Variants in SIRPA observed in about 807,000 individuals in gnomAD.
SIRPA encodes the protein tyrosine-protein phosphatase non-receptor type substrate 1.
SIRPA carries 9 observed loss-of-function variants against 50.3 expected under a neutral mutation model. That is an observed-to-expected ratio of 0.18 (90% CI 0.11 to 0.31). SIRPA has a LOEUF of 0.31. Among genes scored for constraint, SIRPA ranks in the 10% least tolerant of loss-of-function variants. SIRPA has a pLI of 1.00. For synonymous variants in SIRPA, 265 were observed against 284.1 expected (o/e 0.93, Z 0.68); for missense variants, 474 against 661.6 (o/e 0.72, Z 3.11).
rs1985862210 is a variant in SIRPA at position 1,924,553 on chromosome 20, C to T, written c.1088-211C>T. ...GCTACAAATATATTCCCCCCTGGCA[C>T]CTCAGCATGGTTTTTGTGCTGTTCA... On this transcript the variant is annotated intron_variant, in intron 4 of 7. Coordinates refer to ENST00000358771, the MANE Select transcript of SIRPA (RefSeq NM_001040023.2). The surrounding 1 kb of genome is among the most constrained non-coding windows in gnomAD (Gnocchi z 4.5). Among the ~76,000 whole-genome samples the T allele has an allele frequency of 6.6e-6, 1 of 152,216 alleles. No homozygotes were observed. The highest frequency in any genetic ancestry group is 6.5e-5 in the Admixed American group (1 of 15,278).
intron 2 of SIRPA, among the ~76,000 whole-genome samples, chr20:1,917,446 C>T (rs998729691): frequency 1.4e-4 from 22 of 152,254 alleles, no homozygotes; most frequent in African/African-American, 5.1e-4. Flanking sequence ...TAGGCTGAGG[C>T]AGGAGAATGC....
intron 1 of SIRPA, among the ~76,000 whole-genome samples, chr20:1,897,652 G>A (rs1983910833): frequency 6.6e-6 from 1 of 152,142 alleles, no homozygotes; most frequent in African/African-American, 2.4e-5. Flanking sequence ...AGGCGGCTTT[G>A]GATTGAATGA....
At chr20:1,930,438 C>T (rs1249227764) in intron 6 of SIRPA, among the ~76,000 whole-genome samples, 1 of 152,198 alleles carries the variant, frequency 6.6e-6, no homozygotes, top group Non-Finnish European at 1.5e-5. Context: ...AACAAGTGAA[C>T]AAACGAATGA....
Position 1,901,301 on chromosome 20 carries a change from G to GCTAGGACT in SIRPA, c.79+5776_79+5783dup, listed in dbSNP as rs1409864103. 2.0e-5 allele frequency among the ~76,000 whole-genome samples: 3 copies of GCTAGGACT among 150,662 alleles called. No individual in the cohort carries two copies. The Admixed American group carries it at 2.0e-4, about 10-fold the overall frequency. On this transcript the variant is annotated intron_variant, in intron 1 of 7. Coordinates refer to ENST00000358771, the MANE Select transcript of SIRPA (RefSeq NM_001040023.2). ...TTCTCCTATCTCAGCCTCCCCAGTA[G>GCTAGGACT]CTAGGACTACAGGCGCACACCGTCA...
In SIRPA at chr20:1,936,921, T is replaced by C. The variant is rs1410630131; in HGVS notation, c.1267-399T>C. On this transcript the variant is annotated intron_variant, in intron 7 of 7. Transcript: ENST00000358771. The surrounding 1 kb of genome is among the most constrained non-coding windows in gnomAD (Gnocchi z 4.2). ...GGAGGGTCTTAGTATGAGCCATGCTTCATCTGAAATTTACATGGTGGATTG... is the reference window on the plus strand; with the variant it reads ...GGAGGGTCTTAGTATGAGCCATGCTCCATCTGAAATTTACATGGTGGATTG... Among the ~76,000 whole-genome samples the C allele has an allele frequency of 1.3e-5, 2 of 152,066 alleles. No homozygotes were observed. Among genetic ancestry groups the C allele is most frequent in the African/African-American group, 2.4e-5 (1 of 41,400 alleles).
At chr20:1,930,398 G>A (rs1986233659) in intron 6 of SIRPA, among the ~76,000 whole-genome samples, 1 of 152,160 alleles carries the variant, frequency 6.6e-6, no homozygotes, top group South Asian at 2.1e-4. Context: ...CCTGGAATGG[G>A]ATAGGTGCTT....
At position 1,924,406 on chromosome 20, in the gene SIRPA, G is replaced by A. The variant is rs1475565044; in HGVS notation, c.1088-358G>A. Among the ~76,000 whole-genome samples, 1 of 152,196 alleles carries A rather than the reference G, an allele frequency of 6.6e-6. No individual in the cohort carries two copies. Among genetic ancestry groups the A allele is most frequent in the African/African-American group, 2.4e-5 (1 of 41,446 alleles). On this transcript the variant is annotated intron_variant, in intron 4 of 7. Transcript: ENST00000358771. The surrounding 1 kb of genome is among the most constrained non-coding windows in gnomAD (Gnocchi z 4.5). The stretch of plus-strand genomic sequence containing the variant: ...CTTCCAGCTGCTGATTCAGTTTCCA[G>A]TGGATCTGGGGTGCCCTCATGACCG...
rs565929414 is a variant in SIRPA, at chr20:1,922,159, A to G, written c.755-154A>G. Among the ~76,000 whole-genome samples, 4 of 152,300 alleles carry G rather than the reference A, an allele frequency of 2.6e-5. No homozygotes were observed. In the South Asian group the frequency reaches 6.2e-4, roughly 24 times the overall value. ...GGCGTTGTGCTTAGTAATTTCATTC[A>G]TATGCAAAGAGCACCCTCAATGTCT... On this transcript the variant is annotated intron_variant, in intron 3 of 7. Coordinates refer to ENST00000358771, the MANE Select transcript of SIRPA (RefSeq NM_001040023.2).
Position 1,927,895 on chromosome 20 carries a change from A to C in SIRPA, c.1222A>C (p.Thr408Pro). Residue 408 changes from threonine to proline, a missense_variant, in exon 6 of 8, where the codon ACA (threonine) becomes CCA (proline). Around this residue, in one of 4 missense-constraint regions of SIRPA, gnomAD observed 180 missense variants for 206.7 expected, o/e 0.87. Transcript: ENST00000358771. The surrounding 1 kb of genome is among the most constrained non-coding windows in gnomAD (Gnocchi z 6.5). The part of the protein sequence containing the change: ...QKKAQGSTSS[T>P]RLHEPEKNAR... ...TTCAGCCCAGGGCTCCACTTCTTCT[A>C]CAAGGTAAGTGCATCATTGGTCCAG... The C allele has an allele frequency of 6.2e-7, 1 of 1,613,862 alleles. No homozygotes were observed. Among genetic ancestry groups the C allele is most frequent in the Non-Finnish European group, 8.5e-7 (1 of 1,179,722 alleles).
rs368720222 is a variant in SIRPA at position 1,924,798 on chromosome 20, T to G, written c.1122T>G (p.Ile374Met). 8.2e-5 allele frequency: 133 copies of G among 1,614,034 alleles called. No individual in the cohort carries two copies. The highest frequency in any genetic ancestry group is 1.1e-4 in the Non-Finnish European group (126 of 1,180,026). The change falls in exon 5 of 8, where the codon ATT becomes ATG. Residue 374 changes from isoleucine to methionine, a missense_variant. Transcript: ENST00000358771. The surrounding 1 kb of genome is among the most constrained non-coding windows in gnomAD (Gnocchi z 4.5). ...GATCTAATGAACGGAACATCTATAT[T>G]GTGGTGGGTGTGGTGTGCACCTTGC... is the stretch of plus-strand genomic sequence containing the variant. ...NTGSNERNIY[I>M]VVGVVCTLLV... is the part of the protein sequence containing the mutation.
At chr20:1,915,923 G>A (rs1431179852) in intron 2 of SIRPA, among the ~76,000 whole-genome samples, 3 of 152,246 alleles carry the variant, frequency 2.0e-5, no homozygotes, top group African/African-American at 7.2e-5. Context: ...GATCCACCCA[G>A]GGCAGGGAGC....
intron 6 of SIRPA, among the ~76,000 whole-genome samples, chr20:1,929,290 A>G (rs1448995192): frequency 1.3e-5 from 2 of 152,096 alleles, no homozygotes; most frequent in Non-Finnish European, 2.9e-5. Context: ...GTACTGGTCC[A>G]AGCAGAAAAA....
rs566398795 is a variant in SIRPA, at chr20:1,937,679, G to A, written c.*111G>A. ...TTCCCGGAGGGCTGGGGCGGTGCAG[G>A]CTCTGGGACCCAGGGGCCAGGGTGG... On this transcript the variant is annotated 3_prime_UTR_variant, in exon 8 of 8. Transcript: ENST00000358771. This position sits in a 1 kb window ranked among gnomAD's most constrained non-coding sequence, Gnocchi z 8.3. 2.7e-5 allele frequency: 38 copies of A among 1,431,442 alleles called. No homozygotes were observed. The African/African-American group carries it at 4.0e-4, about 15-fold the overall frequency. The allele number at this position is 1,431,442 out of a possible 1,614,324, so 88.7% of individuals were successfully genotyped here.
chr20:1,930,373 A>G (rs1600454288), intron 6 of SIRPA, among the ~76,000 whole-genome samples: 1 of 152,196 alleles, frequency 6.6e-6, no homozygotes, highest in Admixed American at 6.5e-5. Context: ...AATAGCTGCT[A>G]AACTTGGCAC....
At chr20:1,931,809 C>G (rs1190027557) in intron 6 of SIRPA, among the ~76,000 whole-genome samples, 1 of 152,172 alleles carries the variant, frequency 6.6e-6, no homozygotes, top group East Asian at 1.9e-4. Context: ...TAATCTTCCC[C>G]AGCTCAGATG....
rs1600438240 is a variant in SIRPA at position 1,922,751 on chromosome 20, GTCTA to G, written c.1087+108_1087+111del. ...ATGCTTATTATAGAACAATCTAGAA[GTCTA>G]TAAATATAAAGTAGAATTTTAATGT... On this transcript the variant is annotated intron_variant, in intron 4 of 7. Coordinates refer to ENST00000358771, the MANE Select transcript of SIRPA (RefSeq NM_001040023.2). 1.1e-5 allele frequency: 14 copies of G among 1,295,558 alleles called. No individual in the cohort carries two copies. The East Asian group carries it at 3.5e-4, about 33-fold the overall frequency. The allele number at this position is 1,295,558 out of a possible 1,614,324, so 80.3% of individuals were successfully genotyped here. A position where few individuals can be genotyped will look rare whatever the true frequency, so the allele number is the denominator to read the frequency against.
intron 5 of SIRPA, 139 bp downstream of exon 5, chr20:1,925,016 G>T: frequency 5.9e-6 from 4 of 679,414 alleles, no homozygotes; most frequent in Non-Finnish European, 1.1e-5. Flanking sequence ...CTAGGGCTGG[G>T]GCAGTGGCCT....
intron 1 of SIRPA, among the ~76,000 whole-genome samples, chr20:1,901,163 C>CTTTTTTTTTTTTTTTT (rs869181595): frequency 1.0e-4 from 8 of 78,838 alleles, no homozygotes; most frequent in African/African-American, 1.5e-4. Flanking sequence ...TTCTTTCTTT[C>CTTTTTTTTTTTTTTTT]TTTTTTTTTT....
At chr20:1,915,483 T>C (rs1278854417) in intron 2 of SIRPA, 28 bp downstream of exon 2, 17 of 1,612,524 alleles carry the variant, frequency 1.1e-5, no homozygotes, top group South Asian at 5.5e-5. Flanking sequence ...CTCCTTTGCC[T>C]CTGGTTTGTG....
Sources: gnomAD v4.1 joint callset for allele counts (sites outside exome capture counted in the v4.1 genomes callset) on GRCh38, gnomAD v4.1.1 for gene constraint, gnomAD v4.1.1 regional missense constraint, Gnocchi (gnomAD v3.1) non-coding constraint, MANE v1.5 for transcripts, NCBI Gene and HGNC (gene_info 2026-07-23, HGNC 2026-07-21) for gene names.